The following TCEA2 variants were observed in gnomAD, a reference collection of about 807,000 sequenced individuals.
TCEA2 encodes transcription elongation factor A2, also known as transcription elongation factor A protein 2.
A neutral mutation model predicts 40.8 loss-of-function variants in TCEA2; 21 were observed. That is an observed-to-expected ratio of 0.51 (90% CI 0.36 to 0.74). The LOEUF is 0.74. TCEA2 is among the 30% of genes least tolerant of loss of function. TCEA2 has a pLI of 0.00. For synonymous variants in TCEA2, 165 were observed against 162.7 expected (o/e 1.01, Z -0.11); for missense variants, 326 against 426.5 (o/e 0.76, Z 2.08).
At chr20:64,059,229 T>C (rs555205326), upstream of TCEA2, among the ~76,000 whole-genome samples, 236 of 150,142 alleles carry the variant, frequency 1.6e-3, 1 homozygote, top group African/African-American at 5.2e-3. Flanking sequence ...GATGATGGTT[T>C]CTTCCCACCA....
At chr20:64,067,082 C>A in intron 3 of TCEA2, 62 bp downstream of exon 3, 1 of 1,489,864 alleles carries the variant, frequency 6.7e-7, no homozygotes, top group Non-Finnish European at 9.2e-7. Context: ...CTGCCTCTTG[C>A]TGGTCAGCAC....
chr20:64,068,927 C>T (rs1007680924), intron 4 of TCEA2, among the ~76,000 whole-genome samples: 1 of 152,262 alleles, frequency 6.6e-6, no homozygotes, highest in Non-Finnish European at 1.5e-5. Context: ...TTGTCTCCCC[C>T]CAGACAGCTG....
upstream of TCEA2, among the ~76,000 whole-genome samples, chr20:64,056,204 T>C (rs761177722): frequency 1.4e-4 from 22 of 152,066 alleles, 1 homozygote; most frequent in Non-Finnish European, 1.6e-4. Flanking sequence ...CGAGAGACGC[T>C]GCCCTGGGCA....
At chr20:64,067,925 G>GGGGGCGGGGGCT in intron 3 of TCEA2, 122 bp from the exon 4 acceptor site, 1 of 711,386 alleles carries the variant, frequency 1.4e-6, no homozygotes, top group Non-Finnish European at 2.2e-6. Context: ...GTGAGGGGCT[G>GGGGGCGGGGGCT]GGGGCGGGGG....
intron 1 of TCEA2, 139 bp downstream of exon 1, chr20:64,063,523 AG>A: frequency 9.9e-7 from 1 of 1,014,280 alleles, no homozygotes; most frequent in Non-Finnish European, 1.4e-6. Flanking sequence ...ACCGGGACGC[AG>A]GGGAGACCCC....
intron 2 of TCEA2, 40 bp downstream of exon 2, chr20:64,066,578 G>A (rs1299398575): frequency 1.9e-6 from 3 of 1,603,660 alleles, no homozygotes; most frequent in Admixed American, 1.7e-5. Flanking sequence ...CAGCTCCTGG[G>A]TGCAGCCCAG....
intron 1 of TCEA2, chr20:64,064,081 C>A (rs531546764): frequency 2.0e-5 from 3 of 152,476 alleles, no homozygotes; most frequent in South Asian, 4.1e-4. Context: ...TGTCCCCACC[C>A]CACAAGAACC....
In TCEA2 at chr20:64,066,941, C is replaced by T. The variant is rs1241045242; in HGVS notation, c.162C>T (p.Asn54=). Residue 54 remains asparagine, a synonymous_variant, in exon 3 of 10, where the codon AAC becomes AAT. Coordinates refer to ENST00000343484, the MANE Select transcript of TCEA2 (RefSeq NM_003195.6). ...LQSTRVGMSV[N]ALRKQSSDEE... ...CCACCCGAGTCGGGATGTCTGTCAACGCCCTTCGGAAGCAGAGCTCGGATG... is the reference window on the plus strand; with the variant it reads ...CCACCCGAGTCGGGATGTCTGTCAATGCCCTTCGGAAGCAGAGCTCGGATG... 4 of 1,614,060 alleles carry T rather than the reference C, an allele frequency of 2.5e-6. No individual in the cohort carries two copies. The highest frequency in any genetic ancestry group is 1.3e-5 in the African/African-American group (1 of 75,052).
At chr20:64,072,100 G>A in intron 9 of TCEA2, 72 bp from the exon 10 acceptor site, 2 of 1,605,052 alleles carry the variant, frequency 1.2e-6, no homozygotes, top group Non-Finnish European at 8.5e-7. Flanking sequence ...CCTTGGGTGA[G>A]CCTGTGCGGC....
At chr20:64,070,459 G>T in intron 7 of TCEA2, 30 bp from the exon 8 acceptor site, 1 of 1,613,682 alleles carries the variant, frequency 6.2e-7, no homozygotes, top group African/African-American at 1.3e-5. Flanking sequence ...CCTCGGAGCG[G>T]TGGGCTAAGC....
chr20:64,071,900 A>G lies in TCEA2; in HGVS notation c.850A>G (p.Thr284Ala). 1.2e-6 allele frequency: 2 copies of G among 1,614,122 alleles called. No individual in the cohort carries two copies. The highest frequency in any genetic ancestry group is 1.7e-6 in the Non-Finnish European group (2 of 1,180,022). Residue 284 changes from threonine to alanine, a missense_variant, in exon 9 of 10, where the codon ACC (threonine) becomes GCC (alanine). By Grantham distance (58) the Thr-to-Ala change is moderately conservative. Transcript: ENST00000343484. ...GACCCGCAGCTCTGATGAGCCCATG[A>G]CCACCTTTGTTGTCTGCAACGAGTG... ...VQTRSSDEPM[T>A]TFVVCNECGN... is the part of the protein sequence containing the mutation.
At chr20:64,055,995 G>A (rs1481720927), upstream of TCEA2, among the ~76,000 whole-genome samples, 1 of 152,076 alleles carries the variant, frequency 6.6e-6, no homozygotes, top group Admixed American at 6.5e-5. This position sits in a 1 kb window ranked among gnomAD's most constrained non-coding sequence, Gnocchi z 4.0. Context: ...AGGGGAGGGT[G>A]GAGTGGCCGC....
At chr20:64,064,563 A>G (rs1486629694) in intron 1 of TCEA2, among the ~76,000 whole-genome samples, 1 of 152,140 alleles carries the variant, frequency 6.6e-6, no homozygotes, top group African/African-American at 2.4e-5. Context: ...TGTGTCTGCC[A>G]GGCCAGCCCA....
At position 64,063,237 on chromosome 20, in the gene TCEA2, G is replaced by T; in HGVS notation, c.-76G>T. ...TCGGCTGCGGCGGGTGTGGGAGGTG[G>T]CGACGGCCGGGGCCGGGGTCCTGCC... On this transcript the variant is annotated 5_prime_UTR_variant, in exon 1 of 10. Coordinates refer to ENST00000343484, the MANE Select transcript of TCEA2 (RefSeq NM_003195.6). 1 of 1,334,706 alleles carries T rather than the reference G, an allele frequency of 7.5e-7. No individual in the cohort carries two copies. Among genetic ancestry groups the T allele is most frequent in the Non-Finnish European group, 9.7e-7 (1 of 1,029,556 alleles). The allele number at this position is 1,334,706 out of a possible 1,614,324, so 82.7% of individuals were successfully genotyped here.
At chr20:64,067,770 G>A (rs1481785959) in intron 3 of TCEA2, among the ~76,000 whole-genome samples, 1 of 152,234 alleles carries the variant, frequency 6.6e-6, no homozygotes, top group East Asian at 1.9e-4. Flanking sequence ...AGGCCCCAGA[G>A]GTGGCCTTTG....
At position 64,066,908 on chromosome 20, in the gene TCEA2, C is replaced by A; in HGVS notation, c.136-7C>A. 1 of 1,613,544 alleles carries A rather than the reference C, an allele frequency of 6.2e-7. No homozygotes were observed. The highest frequency in any genetic ancestry group is 1.1e-5 in the South Asian group (1 of 90,950). ...GCCTCCCCCAACCCAGACCACTTGC[C>A]TCGTAGTCCACCCGAGTCGGGATGT... is the stretch of plus-strand genomic sequence containing the variant. On this transcript the variant is annotated splice_polypyrimidine_tract_variant and splice_region_variant and intron_variant, in intron 2 of 9. Transcript: ENST00000343484.
At chr20:64,057,720 G>C (rs1278772151) in intron 1 of TCEA2, 2 of 152,266 alleles carry the variant, frequency 1.3e-5, no homozygotes, top group Non-Finnish European at 2.9e-5. Flanking sequence ...GAAGTCCAGA[G>C]CTCCTGAGGG....
At chr20:64,063,150 C>G (rs1471338549), upstream of TCEA2, 3 of 509,152 alleles carry the variant, frequency 5.9e-6, no homozygotes, top group African/African-American at 2.1e-5. Context: ...TCCTAGGATG[C>G]CGCGCGCGGC....
Position 64,070,555 on chromosome 20 carries a change from C to A in TCEA2, c.739C>A (p.Gln247Lys). The A allele has an allele frequency of 6.2e-7, 1 of 1,613,878 alleles. No homozygotes were observed. The highest frequency in any genetic ancestry group is 8.5e-7 in the Non-Finnish European group (1 of 1,180,010). Residue 247 changes from glutamine (Q) to lysine (K), a missense_variant, in exon 8 of 10, where the codon CAG (glutamine) becomes AAG (lysine). Transcript: ENST00000343484. ...AMTKEAIREH[Q>K]MARTGGTQTD... ...GACCAAGGAGGCCATCCGAGAGCAC[C>A]AGATGGCCCGCACTGGCGGCACGCA...
Sources: gnomAD v4.1 joint callset for allele counts (sites outside exome capture counted in the v4.1 genomes callset) on GRCh38, gnomAD v4.1.1 for gene constraint, Gnocchi (gnomAD v3.1) non-coding constraint, MANE v1.5 for transcripts, NCBI Gene and HGNC (gene_info 2026-07-23, HGNC 2026-07-21) for gene names.